The following PCDHA5 variants were observed in gnomAD, a reference collection of about 807,000 sequenced individuals.
PCDHA5 encodes protocadherin alpha-5.
Under a neutral mutation model 61.6 loss-of-function variants are expected in PCDHA5, and 43 were observed. The observed-to-expected ratio is 0.70, with a 90% CI of 0.55 to 0.90. The LOEUF is 0.90. Ranked by LOEUF, PCDHA5 falls within the 40% of genes least tolerant of loss-of-function variation. The pLI, the probability that PCDHA5 is intolerant of heterozygous loss-of-function variation, is 0.00. For missense variants in PCDHA5, 1,298 were observed against 1,222.7 expected (o/e 1.06, Z -0.92); for synonymous variants, 627 against 543.9 (o/e 1.15, Z -2.13).
At chr5:140,857,806 G>A (rs1554150689) in intron 1 of PCDHA5, 2 of 1,597,702 alleles carry the variant, frequency 1.3e-6, no homozygotes, top group African/African-American at 1.3e-5. Flanking sequence ...CGGTGGTTGC[G>A]GGTCACGTGG....
rs553749529 is a variant in PCDHA5, at chr5:140,931,877, G to C, written c.2353-47072G>C. 3.3e-5 allele frequency among the ~76,000 whole-genome samples: 5 copies of C among 151,886 alleles called. No individual in the cohort carries two copies. The South Asian group carries it at 8.3e-4, about 25-fold the overall frequency. The stretch of plus-strand genomic sequence containing the variant: ...GGATTCTAGAAATAAAATATTTATT[G>C]CTTTCATTTTATTTCAAATCATTTG... On this transcript the variant is annotated intron_variant, in intron 1 of 3. Coordinates refer to ENST00000529859, the MANE Select transcript of PCDHA5 (RefSeq NM_018908.3).
intron 1 of PCDHA5, chr5:140,829,946 C>G: frequency 2.5e-6 from 4 of 1,613,986 alleles, no homozygotes; most frequent in Non-Finnish European, 3.4e-6. Flanking sequence ...AAGCAGCGCT[C>G]GCTTCCCGTT....
rs551967990 is a variant in PCDHA5 at position 140,858,294 on chromosome 5, C to G, written c.2352+34167C>G. ...AGCGCGGTGGGGAGCTGGTCTTACTCGCAGCAGAGGCGGCAGAGGGTGTGT... is the reference window on the plus strand; with the variant it reads ...AGCGCGGTGGGGAGCTGGTCTTACTGGCAGCAGAGGCGGCAGAGGGTGTGT... On this transcript the variant is annotated intron_variant, in intron 1 of 3. Transcript: ENST00000529859. 3 of 1,597,466 alleles carry G rather than the reference C, an allele frequency of 1.9e-6. No individual in the cohort carries two copies. The African/African-American group carries it at 4.0e-5, about 21-fold the overall frequency.
intron 1 of PCDHA5, chr5:140,871,648 T>G: frequency 7.8e-7 from 1 of 1,275,766 alleles, no homozygotes. Context: ...AAATACCAAA[T>G]GATACACATC....
Position 140,823,474 on chromosome 5 carries a change from C to T in PCDHA5, c.1699C>T (p.Pro567Ser), listed in dbSNP as rs17844296. 6 of 1,613,348 alleles carry T rather than the reference C, an allele frequency of 3.7e-6. No individual in the cohort carries two copies. Among genetic ancestry groups the T allele is most frequent in the African/African-American group, 1.3e-5 (1 of 74,926 alleles). The change falls in exon 1 of 4, where the codon CCT (proline) becomes TCT (serine). Residue 567 changes from proline to serine, a missense_variant. Physicochemically the swap from Pro to Ser is moderately conservative, Grantham distance 74. Coordinates refer to ENST00000529859, the MANE Select transcript of PCDHA5 (RefSeq NM_018908.3). ...CGACAACGCGCCGGCGCTGCTGGTGCCTCGAGTGGGTGGCACCGGCGGCGC... is the reference window on the plus strand; with the variant it reads ...CGACAACGCGCCGGCGCTGCTGGTGTCTCGAGTGGGTGGCACCGGCGGCGC... ...ENDNAPALLV[P>S]RVGGTGGAVS...
At chr5:140,910,037 C>G (rs1290917830) in intron 1 of PCDHA5, among the ~76,000 whole-genome samples, 1 of 152,198 alleles carries the variant, frequency 6.6e-6, no homozygotes, top group Non-Finnish European at 1.5e-5. Context: ...ATAAATCCCA[C>G]TTGGTCATAA....
intron 1 of PCDHA5, chr5:140,842,186 G>A (rs2150331306): frequency 1.3e-5 from 21 of 1,613,692 alleles, no homozygotes; most frequent in Middle Eastern, 1.6e-4. Flanking sequence ...TGAAACTATG[G>A]TTATTGACCA....
intron 3 of PCDHA5, among the ~76,000 whole-genome samples, chr5:140,992,399 A>G (rs1276372325): frequency 1.3e-5 from 2 of 152,138 alleles, no homozygotes; most frequent in Admixed American, 6.6e-5. Context: ...ACTTAGAGAT[A>G]TTGTTCTGCC....
chr5:141,010,506 C>A lies in PCDHA5; in HGVS notation c.*569C>A. ...CTTAAAGGGACCAGACTTTCTAAAT[C>A]TTACAACTCAAGAGGTGGCAGCCAC... is the stretch of plus-strand genomic sequence containing the variant. On this transcript the variant is annotated 3_prime_UTR_variant, in exon 4 of 4. Transcript: ENST00000529859. 1 of 549,534 alleles carries A rather than the reference C, an allele frequency of 1.8e-6. No homozygotes were observed. The highest frequency in any genetic ancestry group is 2.9e-6 in the Non-Finnish European group (1 of 344,162). 34.0% of individuals were successfully genotyped at this position (549,534 alleles called of 1,614,324 possible). A position where few individuals can be genotyped will look rare whatever the true frequency, so the allele number is the denominator to read the frequency against.
At chr5:140,910,072 T>A (rs546252378) in intron 1 of PCDHA5, among the ~76,000 whole-genome samples, 359 of 152,300 alleles carry the variant, frequency 2.4e-3, no homozygotes, top group African/African-American at 8.0e-3. Flanking sequence ...ACAGCGTAAA[T>A]TGTTGTCAAG....
rs1334280981 is a variant in PCDHA5, at chr5:140,848,756, T to C, written c.2352+24629T>C. On this transcript the variant is annotated intron_variant, in intron 1 of 3. Coordinates refer to ENST00000529859, the MANE Select transcript of PCDHA5 (RefSeq NM_018908.3). ...TGCAGAATGGCATTTTGTTTGTGAATTCTCGGATCGACCGCGAGGAGCTGT... is the reference window on the plus strand; with the variant it reads ...TGCAGAATGGCATTTTGTTTGTGAACTCTCGGATCGACCGCGAGGAGCTGT... 2 of 1,593,258 alleles carry C rather than the reference T, an allele frequency of 1.3e-6. 1 individual carries two copies. Among genetic ancestry groups the C allele is most frequent in the Non-Finnish European group, 1.7e-6 (2 of 1,164,046 alleles).
chr5:140,998,942 T>C (rs1435302179), intron 3 of PCDHA5, among the ~76,000 whole-genome samples: 4 of 152,222 alleles, frequency 2.6e-5, no homozygotes, highest in Non-Finnish European at 5.9e-5. Flanking sequence ...ATGAAGAAAC[T>C]GTAAGTCAAT....
chr5:140,871,925 T>C (rs1554165953), intron 1 of PCDHA5, among the ~76,000 whole-genome samples: 1 of 152,244 alleles, frequency 6.6e-6, no homozygotes, highest in African/African-American at 2.4e-5. Flanking sequence ...TTCCACATTG[T>C]TAGATCAACT....
chr5:140,967,334 A>T, intron 1 of PCDHA5: 1 of 1,608,228 alleles, frequency 6.2e-7, no homozygotes, highest in South Asian at 1.1e-5. Flanking sequence ...GCTCAGCCCC[A>T]GCGAGCACTT....
At chr5:140,924,906 T>TAAAAA (rs1284498744) in intron 1 of PCDHA5, among the ~76,000 whole-genome samples, 1 of 55,822 alleles carries the variant, frequency 1.8e-5, no homozygotes, top group Non-Finnish European at 3.4e-5. Context: ...AAAAAAAAAA[T>TAAAAA]AAAATAAAAT....
chr5:140,980,810 GA>G (rs1410107766), intron 2 of PCDHA5, among the ~76,000 whole-genome samples: 5 of 152,024 alleles, frequency 3.3e-5, no homozygotes, highest in Non-Finnish European at 7.4e-5. Context: ...GTAATACATT[GA>G]ACATATTAAA....
At chr5:140,902,575 T>A (rs1200474088) in intron 1 of PCDHA5, among the ~76,000 whole-genome samples, 1 of 152,082 alleles carries the variant, frequency 6.6e-6, no homozygotes, top group Non-Finnish European at 1.5e-5. Flanking sequence ...TTTTTAAGAT[T>A]TCAATAGTTT....
intron 1 of PCDHA5, among the ~76,000 whole-genome samples, chr5:140,831,520 C>CTT (rs2150195630): frequency 1.3e-4 from 16 of 122,400 alleles, no homozygotes; most frequent in East Asian, 4.9e-4. Flanking sequence ...TGCCCCCCAC[C>CTT]TTTTTTTTTT....
chr5:140,986,587 C>G (rs1194407522), intron 3 of PCDHA5, among the ~76,000 whole-genome samples: 1 of 152,208 alleles, frequency 6.6e-6, no homozygotes, highest in East Asian at 1.9e-4. Flanking sequence ...TCCAGCTCCT[C>G]TTTCTACATT....
Sources: allele counts gnomAD v4.1 joint callset (sites outside exome capture counted in the v4.1 genomes callset), GRCh38; gene constraint gnomAD v4.1.1; transcripts MANE v1.5; gene names NCBI Gene and HGNC (gene_info 2026-07-23, HGNC 2026-07-21).